Variants in GRIP1 observed in about 807,000 individuals in gnomAD.
GRIP1 encodes glutamate receptor interacting protein 1.
Under a neutral mutation model 129.9 loss-of-function variants are expected in GRIP1, and 45 were observed. The observed-to-expected ratio is 0.35, with a 90% CI of 0.27 to 0.44. The LOEUF is 0.44. Among genes scored for constraint, GRIP1 ranks in the 20% least tolerant of loss-of-function variants. GRIP1 has a pLI of 1.00. For missense variants in GRIP1, 1,196 were observed against 1,396.8 expected (o/e 0.86, Z 2.29); for synonymous variants, 530 against 520.8 (o/e 1.02, Z -0.24).
intron 1 of GRIP1, among the ~76,000 whole-genome samples, chr12:66,717,903 T>C (rs548634861): frequency 1.3e-5 from 2 of 152,246 alleles, no homozygotes; most frequent in East Asian, 3.9e-4. Flanking sequence ...AATCAGTAGT[T>C]CTCCTCTGTA....
At chr12:66,876,222 A>G (rs2040380023) in intron 1 of GRIP1, among the ~76,000 whole-genome samples, 1 of 152,050 alleles carries the variant, frequency 6.6e-6, no homozygotes, top group South Asian at 2.1e-4. Flanking sequence ...AATTTAAAAT[A>G]AAGAACTTGA....
intron 7 of GRIP1, among the ~76,000 whole-genome samples, chr12:66,510,449 G>C (rs778215089): frequency 2.4e-4 from 36 of 152,060 alleles, no homozygotes; most frequent in Non-Finnish European, 5.9e-5. Flanking sequence ...CTTCTGCTCT[G>C]ACCTGTGTAC....
At chr12:66,364,571 G>A (rs1439649487) in intron 23 of GRIP1, among the ~76,000 whole-genome samples, 1 of 152,108 alleles carries the variant, frequency 6.6e-6, no homozygotes, top group Non-Finnish European at 1.5e-5. Flanking sequence ...ACAAATATGG[G>A]ACAAAGGACA....
At chr12:66,586,484 C>T (rs1414927893) in intron 2 of GRIP1, among the ~76,000 whole-genome samples, 1 of 152,128 alleles carries the variant, frequency 6.6e-6, no homozygotes, top group Admixed American at 6.6e-5. Context: ...TCTATCTGTG[C>T]CACCTAGAAG....
At position 66,488,694 on chromosome 12, in the gene GRIP1, T is replaced by C. The variant is rs1366854438; in HGVS notation, c.725-23272A>G. 4.1e-5 allele frequency among the ~76,000 whole-genome samples: 4 copies of C among 97,540 alleles called. No homozygotes were observed. In the East Asian group the frequency reaches 8.0e-4, roughly 19 times the overall value. The allele number at this position is 97,540 out of a possible 152,430, so 64.0% of individuals were successfully genotyped here. On this transcript the variant is annotated intron_variant, in intron 7 of 24. Coordinates refer to ENST00000359742, the MANE Select transcript of GRIP1 (RefSeq NM_001366722.1). Reference sequence around the variant, plus strand: ...ATCAACGAATCTAGGAGCTGCTTTTTTGAAAAAATTAATAAAATAGACCAC... The same window carrying C: ...ATCAACGAATCTAGGAGCTGCTTTTCTGAAAAAATTAATAAAATAGACCAC...
chr12:66,867,073 C>G (rs2040218426), intron 1 of GRIP1, among the ~76,000 whole-genome samples: 1 of 152,162 alleles, frequency 6.6e-6, no homozygotes, highest in Admixed American at 6.6e-5. Context: ...CCTGCAACCT[C>G]CACCTCCCAG....
intron 1 of GRIP1, among the ~76,000 whole-genome samples, chr12:66,832,265 C>T (rs530452760): frequency 3.3e-5 from 5 of 152,216 alleles, no homozygotes; most frequent in Admixed American, 2.6e-4. Context: ...CTGTGGTAAT[C>T]GATTCGAATG....
chr12:66,850,380 G>A (rs767402783), intron 1 of GRIP1, among the ~76,000 whole-genome samples: 22 of 152,110 alleles, frequency 1.4e-4, no homozygotes, highest in Non-Finnish European at 3.2e-4. Context: ...GGATTAGAAT[G>A]TTCCTCTGTT....
At chr12:66,926,940 T>C (rs1368776495) in intron 1 of GRIP1, among the ~76,000 whole-genome samples, 1 of 152,222 alleles carries the variant, frequency 6.6e-6, no homozygotes, top group Non-Finnish European at 1.5e-5. Flanking sequence ...TTCTCCCAAA[T>C]CTAATTAGAA....
chr12:66,652,212 C>T (rs1592703302), intron 1 of GRIP1, among the ~76,000 whole-genome samples: 1 of 152,156 alleles, frequency 6.6e-6, no homozygotes, highest in South Asian at 2.1e-4. Flanking sequence ...ATAATCCCCA[C>T]ATGTCGAGGG....
chr12:66,493,437 A>G (rs900614688), intron 7 of GRIP1, among the ~76,000 whole-genome samples: 4 of 152,232 alleles, frequency 2.6e-5, no homozygotes, highest in Non-Finnish European at 5.9e-5. Context: ...TCGTATTTTC[A>G]ACTGTGCAGT....
At chr12:66,905,615 C>T (rs2040918707) in intron 1 of GRIP1, among the ~76,000 whole-genome samples, 1 of 152,168 alleles carries the variant, frequency 6.6e-6, no homozygotes, top group Non-Finnish European at 1.5e-5. Context: ...AAAATAACTA[C>T]ACATCGACCC....
chr12:66,789,472 C>T (rs752251986), intron 1 of GRIP1, among the ~76,000 whole-genome samples: 2 of 151,592 alleles, frequency 1.3e-5, no homozygotes, highest in Non-Finnish European at 2.9e-5. Flanking sequence ...GCTAGAAAGA[C>T]CAAAAAGGAC....
chr12:66,656,144 C>T (rs531893992), intron 1 of GRIP1, among the ~76,000 whole-genome samples: 1 of 152,214 alleles, frequency 6.6e-6, no homozygotes, highest in Admixed American at 6.5e-5. Flanking sequence ...CTTTGAAAGC[C>T]ACATGGTGCC....
intron 1 of GRIP1, among the ~76,000 whole-genome samples, chr12:66,977,641 T>C (rs12316005): frequency 0.018 from 2,741 of 152,234 alleles, 85 homozygotes; most frequent in African/African-American, 0.062. Flanking sequence ...TTTAAGTTTA[T>C]ATAAATGGGA....
At chr12:66,523,538 A>G (rs1300749227) in intron 5 of GRIP1, among the ~76,000 whole-genome samples, 1 of 152,186 alleles carries the variant, frequency 6.6e-6, no homozygotes, top group African/African-American at 2.4e-5. Flanking sequence ...AGCACTAAAC[A>G]TGGAAAGGAA....
intron 5 of GRIP1, among the ~76,000 whole-genome samples, chr12:66,524,898 A>C: frequency 6.6e-6 from 1 of 152,344 alleles, no homozygotes; most frequent in South Asian, 2.1e-4. Flanking sequence ...AATACTACAA[A>C]TACCTCTACG....
intron 3 of GRIP1, among the ~76,000 whole-genome samples, chr12:66,540,991 T>A (rs982376398): frequency 6.6e-6 from 1 of 151,890 alleles, no homozygotes; most frequent in African/African-American, 2.4e-5. Flanking sequence ...TTTTTAAATT[T>A]TTTTAGTAGA....
chr12:66,518,007 T>C (rs764815466), intron 5 of GRIP1, 31 bp from the exon 6 acceptor site: 6 of 1,181,108 alleles, frequency 5.1e-6, no homozygotes, highest in Admixed American at 5.0e-5. Context: ...AGCTTAAAAC[T>C]GCTTTCATTG....
Sources: allele counts gnomAD v4.1 joint callset (sites outside exome capture counted in the v4.1 genomes callset), GRCh38; gene constraint gnomAD v4.1.1; transcripts MANE v1.5; gene names NCBI Gene and HGNC (gene_info 2026-07-23, HGNC 2026-07-21).